The following OSBPL1A variants were observed in gnomAD, a reference collection of about 807,000 sequenced individuals.
The protein encoded by OSBPL1A is oxysterol-binding protein-related protein 1.
Under a neutral mutation model 137.1 loss-of-function variants are expected in OSBPL1A, and 80 were observed. The observed-to-expected ratio is 0.58, with a 90% CI of 0.49 to 0.70. The LOEUF is 0.70. OSBPL1A is among the 30% of genes least tolerant of loss of function. The pLI is 0.00. For synonymous variants in OSBPL1A, 365 were observed against 389.7 expected (o/e 0.94, Z 0.75); for missense variants, 970 against 1,129.4 (o/e 0.86, Z 2.02).
chr18:24,363,570 C>A (rs1043966574), intron 4 of OSBPL1A, among the ~76,000 whole-genome samples: 10 of 151,748 alleles, frequency 6.6e-5, no homozygotes, highest in African/African-American at 1.2e-4. Flanking sequence ...CCTCAGCCTC[C>A]CGAGTAGCTG....
intron 17 of OSBPL1A, among the ~76,000 whole-genome samples, chr18:24,214,547 T>C (rs924305859): frequency 6.6e-6 from 1 of 152,198 alleles, no homozygotes; most frequent in African/African-American, 2.4e-5. Context: ...GTCTCAGAAC[T>C]TGAACACCTC....
chr18:24,314,570 T>C (rs1052859593), intron 11 of OSBPL1A, among the ~76,000 whole-genome samples: 1 of 152,244 alleles, frequency 6.6e-6, no homozygotes, highest in Non-Finnish European at 1.5e-5. Context: ...TTACTCAACA[T>C]AAATACTATG....
Position 24,318,751 on chromosome 18 carries a change from A to G in OSBPL1A, c.684T>C (p.Asn228=). The G allele has an allele frequency of 1.2e-6, 2 of 1,612,532 alleles. No individual in the cohort carries two copies. The highest frequency in any genetic ancestry group is 8.5e-7 in the Non-Finnish European group (1 of 1,179,498). The change falls in exon 8 of 28, where the codon AAT becomes AAC. Residue 228 remains asparagine (N), a synonymous_variant. Coordinates refer to ENST00000319481, the MANE Select transcript of OSBPL1A (RefSeq NM_080597.4). ...GAEMKHILVG[N]KVIYKALKRY... is the part of the protein sequence containing the mutation. ...AATTTAATTCATTACTCTGTACCTT[A>G]TTACCAACAAGAATGTGTTTCATTT...
At chr18:24,173,597 G>A (rs2086351279) in intron 21 of OSBPL1A, among the ~76,000 whole-genome samples, 1 of 152,078 alleles carries the variant, frequency 6.6e-6, no homozygotes, top group Non-Finnish European at 1.5e-5. Context: ...ATTTTTAGTA[G>A]AGATGGGTTT....
At chr18:24,267,581 A>G (rs953541116) in intron 15 of OSBPL1A, among the ~76,000 whole-genome samples, 8 of 152,186 alleles carry the variant, frequency 5.3e-5, no homozygotes, top group African/African-American at 1.9e-4. Flanking sequence ...ATACATCATA[A>G]CCAAATTAGG....
chr18:24,256,826 G>A (rs2089288545), intron 15 of OSBPL1A, among the ~76,000 whole-genome samples: 1 of 151,654 alleles, frequency 6.6e-6, no homozygotes, highest in South Asian at 2.1e-4. Context: ...GTGAATATCT[G>A]AAAAAGAAAC....
intron 15 of OSBPL1A, among the ~76,000 whole-genome samples, chr18:24,264,293 TC>T (rs1319350228): frequency 6.6e-6 from 1 of 152,002 alleles, no homozygotes; most frequent in Admixed American, 6.6e-5. Context: ...GAAAAGAAAC[TC>T]CCTCTTTGCC....
intron 11 of OSBPL1A, among the ~76,000 whole-genome samples, chr18:24,315,198 CCACATGGTGACAGGACAGCAGCAAGGG>C: frequency 6.6e-6 from 1 of 152,136 alleles, no homozygotes; most frequent in East Asian, 1.9e-4. Flanking sequence ...TAAGCACAGT[CCACATGGTGACAGGACAGCAGCAAGGG>C]CACATGTGGC....
intron 19 of OSBPL1A, 137 bp downstream of exon 19, chr18:24,181,008 A>C: frequency 2.0e-6 from 2 of 1,022,074 alleles, no homozygotes; most frequent in Non-Finnish European, 1.4e-6. Flanking sequence ...GACAGTCCAG[A>C]CATGCGGACT....
intron 7 of OSBPL1A, among the ~76,000 whole-genome samples, chr18:24,320,674 G>C (rs1205854784): frequency 6.6e-6 from 1 of 152,066 alleles, no homozygotes; most frequent in Non-Finnish European, 1.5e-5. Flanking sequence ...GCCACTGAAG[G>C]GTTTTAAGTA....
chr18:24,351,346 T>TAAAAAA (rs1330674425), intron 4 of OSBPL1A, among the ~76,000 whole-genome samples: 1 of 34,156 alleles, frequency 2.9e-5, no homozygotes, highest in Non-Finnish European at 4.6e-5. Flanking sequence ...AGACTCTGTC[T>TAAAAAA]CAAAAAAAAA....
chr18:24,368,162 G>C (rs1375170742), intron 3 of OSBPL1A, 125 bp downstream of exon 3: 1 of 578,514 alleles, frequency 1.7e-6, no homozygotes, highest in Non-Finnish European at 3.0e-6. Flanking sequence ...TAAGTGTCTT[G>C]AATGATGAAC....
intron 11 of OSBPL1A, among the ~76,000 whole-genome samples, chr18:24,315,789 A>G (rs1424727652): frequency 2.6e-5 from 2 of 75,776 alleles, no homozygotes; most frequent in Non-Finnish European, 5.0e-5. Flanking sequence ...AAAATATAAT[A>G]TAATATATAG....
At chr18:24,254,056 A>G (rs1011181915) in intron 15 of OSBPL1A, among the ~76,000 whole-genome samples, 2 of 152,226 alleles carry the variant, frequency 1.3e-5, no homozygotes, top group African/African-American at 4.8e-5. Context: ...CCAGGAATGA[A>G]TAAGCACAGC....
chr18:24,199,017 C>T (rs2087130081), intron 17 of OSBPL1A, among the ~76,000 whole-genome samples: 1 of 151,964 alleles, frequency 6.6e-6, no homozygotes, highest in Admixed American at 6.6e-5. Context: ...GCCACCATGC[C>T]TGGCTAATTT....
intron 15 of OSBPL1A, among the ~76,000 whole-genome samples, chr18:24,239,925 CTTTTTTTTT>C (rs10699940): frequency 8.0e-6 from 1 of 125,624 alleles, no homozygotes; most frequent in Non-Finnish European, 1.6e-5. Flanking sequence ...TCATTTTTCT[CTTTTTTTTT>C]TTTTTTTTTG....
At chr18:24,358,432 T>C (rs7226922) in intron 4 of OSBPL1A, 453,330 of 701,632 alleles carry the variant, frequency 0.65, 148,898 homozygotes, top group African/African-American at 0.82. Flanking sequence ...TTCCCCACCC[T>C]CGTGCACAGG....
At chr18:24,190,493 T>A (rs2086862532) in intron 18 of OSBPL1A, among the ~76,000 whole-genome samples, 1 of 152,178 alleles carries the variant, frequency 6.6e-6, no homozygotes, top group South Asian at 2.1e-4. Flanking sequence ...AAAGCCTCTT[T>A]TACTCAAGAA....
In OSBPL1A at chr18:24,378,768, T is replaced by C. The variant is rs1024531886; in HGVS notation, c.-2-1233A>G. ...CTCTTGCCCTAATCGGCATTTCTTATGCAGGCAAGCCAGGCTTTACCCTCT... is the reference window on the plus strand; with the variant it reads ...CTCTTGCCCTAATCGGCATTTCTTACGCAGGCAAGCCAGGCTTTACCCTCT... On this transcript the variant is annotated intron_variant, in intron 1 of 27. Transcript: ENST00000319481. 3.3e-5 allele frequency among the ~76,000 whole-genome samples: 5 copies of C among 152,320 alleles called. No individual in the cohort carries two copies. The East Asian group carries it at 5.8e-4, about 18-fold the overall frequency.
Sources: allele counts gnomAD v4.1 joint callset (sites outside exome capture counted in the v4.1 genomes callset), GRCh38; gene constraint gnomAD v4.1.1; transcripts MANE v1.5; gene names NCBI Gene and HGNC (gene_info 2026-07-23, HGNC 2026-07-21).